The following PLCB4 variants were observed in gnomAD, a reference collection of about 807,000 sequenced individuals.
PLCB4 encodes the protein phospholipase C beta 4.
In PLCB4, 77 loss-of-function variants were observed where a neutral mutation model predicts 178.8. The ratio of observed to expected loss-of-function variants is 0.43; its 90% CI spans 0.36 to 0.52. The LOEUF is 0.52. Ranked by LOEUF, PLCB4 falls within the 20% of genes least tolerant of loss-of-function variation. The pLI, the probability that PLCB4 is intolerant of heterozygous loss-of-function variation, is 0.00. For missense variants in PLCB4, 1,024 were observed against 1,453.4 expected, an observed-to-expected ratio of 0.70 and a Z score of 4.80; for synonymous variants, 496 against 490.8, an observed-to-expected ratio of 1.01 and a Z score of -0.14.
chr20:9,278,420 C>G (rs769875315), intron 3 of PLCB4, among the ~76,000 whole-genome samples: 11 of 152,006 alleles, frequency 7.2e-5, no homozygotes, highest in Non-Finnish European at 1.3e-4. Context: ...CATCCAGGAA[C>G]TGTGTTAATC....
At chr20:9,373,496 A>C (rs1309072985) in intron 12 of PLCB4, among the ~76,000 whole-genome samples, 2 of 152,236 alleles carry the variant, frequency 1.3e-5, no homozygotes, top group Non-Finnish European at 2.9e-5. Flanking sequence ...TGGATTCTCC[A>C]TTGCTAACTT....
intron 2 of PLCB4, among the ~76,000 whole-genome samples, chr20:9,120,465 C>T (rs1265379554): frequency 4.2e-5 from 1 of 24,058 alleles, no homozygotes; most frequent in Non-Finnish European, 1.8e-4. Context: ...TTCTTCCTTT[C>T]TCTCTCTTAG....
intron 3 of PLCB4, among the ~76,000 whole-genome samples, chr20:9,293,729 T>C (rs2094604617): frequency 6.6e-6 from 1 of 152,160 alleles, no homozygotes; most frequent in Non-Finnish European, 1.5e-5. Flanking sequence ...GTAGTGATGA[T>C]ACAGATAAAC....
At chr20:9,277,412 A>T (rs1016628965) in intron 3 of PLCB4, among the ~76,000 whole-genome samples, 2 of 152,014 alleles carry the variant, frequency 1.3e-5, no homozygotes, top group Non-Finnish European at 2.9e-5. Context: ...TGAGAACATA[A>T]GATTACTGAG....
At chr20:9,223,671 T>C (rs778090949) in intron 3 of PLCB4, among the ~76,000 whole-genome samples, 1 of 152,210 alleles carries the variant, frequency 6.6e-6, no homozygotes, top group Non-Finnish European at 1.5e-5. Flanking sequence ...TTCAGTGTGA[T>C]TATTCTGTCC....
chr20:9,363,593 G>C (rs2035530229), intron 8 of PLCB4, among the ~76,000 whole-genome samples: 1 of 152,214 alleles, frequency 6.6e-6, no homozygotes, highest in Non-Finnish European at 1.5e-5. Flanking sequence ...ATCCAGAGGA[G>C]TACTACAGTG....
At chr20:9,221,818 A>T (rs936254888) in intron 3 of PLCB4, among the ~76,000 whole-genome samples, 1 of 152,144 alleles carries the variant, frequency 6.6e-6, no homozygotes, top group East Asian at 1.9e-4. Context: ...AGAAGAGGTG[A>T]GGATGTCATG....
intron 4 of PLCB4, among the ~76,000 whole-genome samples, chr20:9,316,027 G>A (rs893432183): frequency 9.9e-5 from 15 of 152,242 alleles, no homozygotes; most frequent in African/African-American, 3.4e-4. Flanking sequence ...GCTAGGCTCT[G>A]AGGCAAACAT....
At chr20:9,410,434 C>A (rs567619469) in intron 24 of PLCB4, among the ~76,000 whole-genome samples, 73 of 152,250 alleles carry the variant, frequency 4.8e-4, no homozygotes, top group African/African-American at 1.5e-3. Flanking sequence ...TAGGTTTAAA[C>A]ACAACATTTT....
intron 35 of PLCB4, among the ~76,000 whole-genome samples, chr20:9,465,539 C>A (rs537550930): frequency 2.0e-5 from 3 of 152,302 alleles, no homozygotes; most frequent in African/African-American, 7.2e-5. Flanking sequence ...AAAACCCCTT[C>A]ATCTCAGCCC....
chr20:9,121,606 A>T (rs149934947), intron 2 of PLCB4, among the ~76,000 whole-genome samples: 1 of 152,212 alleles, frequency 6.6e-6, no homozygotes, highest in African/African-American at 2.4e-5. Flanking sequence ...CTACTAGAAT[A>T]TTCAGAAATC....
chr20:9,244,357 A>C (rs2094101544), intron 3 of PLCB4, among the ~76,000 whole-genome samples: 3 of 152,208 alleles, frequency 2.0e-5, no homozygotes, highest in African/African-American at 7.2e-5. Flanking sequence ...CTCTAAATCA[A>C]TTTAGTTCTG....
At chr20:9,147,987 C>A (rs571567673) in intron 2 of PLCB4, among the ~76,000 whole-genome samples, 1 of 152,264 alleles carries the variant, frequency 6.6e-6, no homozygotes, top group South Asian at 2.1e-4. Context: ...CAGGACTGTA[C>A]TTTTGATACT....
At chr20:9,421,494 A>G in intron 27 of PLCB4, 33 bp downstream of exon 27, 1 of 1,583,332 alleles carries the variant, frequency 6.3e-7, no homozygotes, top group Non-Finnish European at 8.7e-7. Flanking sequence ...AACTTACTCT[A>G]ATAACTTGGG....
At chr20:9,443,284 A>G (rs3819581) in intron 30 of PLCB4, among the ~76,000 whole-genome samples, 36,327 of 152,206 alleles carry the variant, frequency 0.24, 5,190 homozygotes, top group African/African-American at 0.39. Flanking sequence ...ATTCTTTCAC[A>G]ATGACTGAAT....
chr20:9,187,457 G>A (rs973962110), intron 2 of PLCB4, among the ~76,000 whole-genome samples: 4 of 152,116 alleles, frequency 2.6e-5, no homozygotes, highest in Admixed American at 6.5e-5. Context: ...CGTGGTGTGC[G>A]TTGCTTCATT....
chr20:9,306,779 C>T (rs1449664364), intron 3 of PLCB4, among the ~76,000 whole-genome samples: 1 of 152,158 alleles, frequency 6.6e-6, no homozygotes, highest in East Asian at 1.9e-4. Flanking sequence ...ATGTTGCCAA[C>T]AAGGATGGGT....
intron 32 of PLCB4, among the ~76,000 whole-genome samples, chr20:9,445,582 T>C (rs1270754974): frequency 1.3e-5 from 2 of 152,236 alleles, no homozygotes; most frequent in Non-Finnish European, 2.9e-5. Flanking sequence ...GGCCTAATCT[T>C]ATCCTAGTAA....
At chr20:9,360,767 T>G (rs969806569) in intron 7 of PLCB4, among the ~76,000 whole-genome samples, 3 of 152,228 alleles carry the variant, frequency 2.0e-5, no homozygotes, top group African/African-American at 7.2e-5. Flanking sequence ...TTCTTCATCT[T>G]CCTTCAGAAT....
Sources: gnomAD v4.1 joint callset for allele counts (sites outside exome capture counted in the v4.1 genomes callset) on GRCh38, gnomAD v4.1.1 for gene constraint, MANE v1.5 for transcripts, NCBI Gene and HGNC (gene_info 2026-07-23, HGNC 2026-07-21) for gene names.